Variants in LANCL1 observed in about 807,000 individuals in gnomAD.
LANCL1 encodes the protein glutathione S-transferase LANCL1.
LANCL1 carries 50 observed loss-of-function variants against 50.6 expected under a neutral mutation model. The observed-to-expected ratio is 0.99, with a 90% CI of 0.79 to 1.25. The LOEUF (loss-of-function observed/expected upper bound fraction) is 1.25, where lower values mean the gene tolerates loss of function less well. Among genes scored for constraint, LANCL1 ranks in the 50% most tolerant of loss-of-function variants. The pLI is 0.00. For missense variants in LANCL1, 532 were observed against 480.7 expected, an observed-to-expected ratio of 1.11 and a Z score of -1.00; for synonymous variants, 188 against 178.6, an observed-to-expected ratio of 1.05 and a Z score of -0.42.
chr2:210,466,537 G>A (rs1694066439), intron 3 of LANCL1, among the ~76,000 whole-genome samples: 1 of 152,166 alleles, frequency 6.6e-6, no homozygotes, highest in Admixed American at 6.5e-5. Context: ...CTGTTTTTGA[G>A]GGTTGCCTTT....
At chr2:210,449,302 GC>G (rs1433622842) in intron 4 of LANCL1, among the ~76,000 whole-genome samples, 1 of 151,942 alleles carries the variant, frequency 6.6e-6, no homozygotes, top group Non-Finnish European at 1.5e-5. Context: ...AAATTCAACA[GC>G]CCTTCATGCT....
chr2:210,445,654 G>GAA (rs1305238863), intron 4 of LANCL1, among the ~76,000 whole-genome samples: 11 of 152,058 alleles, frequency 7.2e-5, no homozygotes, highest in African/African-American at 2.7e-4. Context: ...AAATCATAAT[G>GAA]GTTATTTTAT....
At chr2:210,474,800 T>TAC (rs1282505963) in intron 2 of LANCL1, among the ~76,000 whole-genome samples, 2 of 151,566 alleles carry the variant, frequency 1.3e-5, no homozygotes, top group African/African-American at 4.8e-5. Context: ...TTATAGGCAG[T>TAC]CTAAATAGGT....
intron 4 of LANCL1, among the ~76,000 whole-genome samples, chr2:210,452,745 T>C (rs895737302): frequency 1.4e-4 from 21 of 152,150 alleles, no homozygotes; most frequent in African/African-American, 5.1e-4. Context: ...CTCAAAGGAC[T>C]GTCTGGTCTC....
At position 210,437,872 on chromosome 2, in the gene LANCL1, G is replaced by C; in HGVS notation, c.691C>G (p.Pro231Ala). ...TTCCCTTGGCTCACTTGAAGGCTGGGCTAAAAATGAGAAGGAAATTATTAG... is the reference window on the plus strand; with the variant it reads ...TTCCCTTGGCTCACTTGAAGGCTGGCCTAAAAATGAGAAGGAAATTATTAG... ...LAGIYYYLMQ[P>A]SLQVSQGKLH... The change falls in exon 7 of 10, where the codon CCC becomes GCC. Residue 231 changes from proline to alanine, a missense_variant and splice_region_variant. Coordinates refer to ENST00000450366, the MANE Select transcript of LANCL1 (RefSeq NM_006055.3). 6.3e-7 allele frequency: 1 copy of C among 1,579,278 alleles called. No individual in the cohort carries two copies. Among genetic ancestry groups the C allele is most frequent in the South Asian group, 1.2e-5 (1 of 85,420 alleles).
chr2:210,454,058 A>C (rs896737780), intron 4 of LANCL1, among the ~76,000 whole-genome samples: 1 of 152,158 alleles, frequency 6.6e-6, no homozygotes, highest in East Asian at 1.9e-4. Context: ...AGAATACGTC[A>C]ATTCAGAAAA....
intron 3 of LANCL1, among the ~76,000 whole-genome samples, chr2:210,464,508 G>A (rs371125596): frequency 2.0e-5 from 3 of 151,752 alleles, no homozygotes; most frequent in East Asian, 3.9e-4. Context: ...GGCTTCTGTC[G>A]ACAATTTGAA....
intron 4 of LANCL1, among the ~76,000 whole-genome samples, chr2:210,447,257 AG>A: frequency 6.6e-6 from 1 of 152,210 alleles, no homozygotes; most frequent in Non-Finnish European, 1.5e-5. Context: ...AAGCTTCATA[AG>A]CAAAGGAGAA....
At chr2:210,462,077 T>C (rs528640628) in intron 3 of LANCL1, among the ~76,000 whole-genome samples, 1 of 152,202 alleles carries the variant, frequency 6.6e-6, no homozygotes, top group Non-Finnish European at 1.5e-5. Flanking sequence ...ACAGTCTACC[T>C]GGATCAAAAC....
chr2:210,437,925 G>A, intron 6 of LANCL1, 53 bp from the exon 7 acceptor site: 1 of 1,310,226 alleles, frequency 7.6e-7, no homozygotes, highest in Non-Finnish European at 1.0e-6. Flanking sequence ...AACCTTCCTA[G>A]GTCTCAGTAT....
Position 210,455,283 on chromosome 2 carries a change from A to G in LANCL1, c.231T>C (p.Asp77=), listed in dbSNP as rs566857010. The change falls in exon 4 of 10, where the codon GAT becomes GAC. Residue 77 remains aspartate (D), a synonymous_variant. Transcript: ENST00000450366. ...GTAGGTAGGCAGGGTCCCCAAATAC[A>G]TCATAAAGATGTAAGTAAAGCACAG... The part of the protein sequence containing the change: ...GIAVLYLHLY[D]VFGDPAYLQL... The G allele has an allele frequency of 5.6e-5, 90 of 1,611,926 alleles. No homozygotes were observed. The highest frequency in any genetic ancestry group is 3.5e-4 in the Admixed American group (21 of 59,668).
intron 2 of LANCL1, among the ~76,000 whole-genome samples, chr2:210,476,088 T>C (rs1431153368): frequency 3.3e-5 from 5 of 152,216 alleles, no homozygotes; most frequent in Admixed American, 3.3e-4. Flanking sequence ...ATTTATACTA[T>C]CAATAATTGA....
intron 4 of LANCL1, among the ~76,000 whole-genome samples, chr2:210,453,532 T>C (rs1413196881): frequency 6.6e-6 from 1 of 152,228 alleles, no homozygotes; most frequent in Admixed American, 6.5e-5. Context: ...CTTGGTCTCA[T>C]TGAACACATT....
intron 3 of LANCL1, among the ~76,000 whole-genome samples, chr2:210,465,902 G>A (rs1694042062): frequency 6.6e-6 from 1 of 152,128 alleles, no homozygotes; most frequent in African/African-American, 2.4e-5. Flanking sequence ...GAAGAGAAAT[G>A]ACCACCAGGA....
At position 210,441,288 on chromosome 2, in the gene LANCL1, A is replaced by T. The variant is rs1256162418; in HGVS notation, c.543+20T>A. ...AAATGGGATCCTAAAAAGGCTCCTA[A>T]AAACACAAAAACGTGGTACCTGCTG... On this transcript the variant is annotated intron_variant, in intron 5 of 9. Coordinates refer to ENST00000450366, the MANE Select transcript of LANCL1 (RefSeq NM_006055.3). 4 of 1,606,424 alleles carry T rather than the reference A, an allele frequency of 2.5e-6. No individual in the cohort carries two copies. The highest frequency in any genetic ancestry group is 3.4e-6 in the Non-Finnish European group (4 of 1,176,422).
chr2:210,464,495 T>C (rs1224862311), intron 3 of LANCL1, among the ~76,000 whole-genome samples: 1 of 152,122 alleles, frequency 6.6e-6, no homozygotes, highest in Non-Finnish European at 1.5e-5. Context: ...GGAAACTTTT[T>C]TGGGCTTCTG....
chr2:210,462,888 T>A (rs569410076), intron 3 of LANCL1, among the ~76,000 whole-genome samples: 9 of 152,356 alleles, frequency 5.9e-5, no homozygotes, highest in African/African-American at 2.2e-4. Flanking sequence ...TAAATCTGAC[T>A]AGTCATTAGC....
Position 210,440,445 on chromosome 2 carries a change from T to A in LANCL1, c.690+153A>T, listed in dbSNP as rs926131487. Among the ~76,000 whole-genome samples the A allele has an allele frequency of 1.9e-4, 29 of 152,208 alleles. 1 individual carries two copies. Among genetic ancestry groups the A allele is most frequent in the Admixed American group, 1.6e-3 (24 of 15,274 alleles). The stretch of plus-strand genomic sequence containing the variant: ...TTAAAGGCACCTTCGTAAACATTAC[T>A]TTTGTTTGTCTAGGACAAGTAATTA... On this transcript the variant is annotated intron_variant, in intron 6 of 9. Coordinates refer to ENST00000450366, the MANE Select transcript of LANCL1 (RefSeq NM_006055.3).
chr2:210,449,661 A>C (rs1693451772), intron 4 of LANCL1, among the ~76,000 whole-genome samples: 1 of 152,232 alleles, frequency 6.6e-6, no homozygotes, highest in African/African-American at 2.4e-5. Context: ...TCAGGATACA[A>C]AATCAATGTG....
Sources: allele counts gnomAD v4.1 joint callset (sites outside exome capture counted in the v4.1 genomes callset), GRCh38; gene constraint gnomAD v4.1.1; transcripts MANE v1.5; gene names NCBI Gene and HGNC (gene_info 2026-07-23, HGNC 2026-07-21).